Variants in ANKS1B observed in about 807,000 individuals in gnomAD.
ANKS1B encodes the protein ankyrin repeat and sterile alpha motif domain containing 1B, also known as ankyrin repeat and sterile alpha motif domain-containing protein 1B.
ANKS1B carries 36 observed loss-of-function variants against 148.3 expected under a neutral mutation model. The ratio of observed to expected loss-of-function variants is 0.24; its 90% CI spans 0.19 to 0.32. ANKS1B has a LOEUF of 0.32. Among genes scored for constraint, ANKS1B ranks in the 10% least tolerant of loss-of-function variants. The pLI is 1.00. For synonymous variants in ANKS1B, 542 were observed against 560.8 expected (o/e 0.97, Z 0.47); for missense variants, 1,157 against 1,542.6 (o/e 0.75, Z 4.19).
intron 10 of ANKS1B, among the ~76,000 whole-genome samples, chr12:99,460,637 T>A (rs544570833): frequency 1.3e-5 from 2 of 151,024 alleles, no homozygotes; most frequent in South Asian, 4.2e-4. Flanking sequence ...CCAACAAACA[T>A]ATAAAAAAAT....
intron 17 of ANKS1B, chr12:98,954,505 GT>G: frequency 1.3e-5 from 2 of 152,228 alleles, no homozygotes; most frequent in African/African-American, 4.8e-5. Context: ...ATGGAACAAG[GT>G]CAGCAAACCA....
At chr12:99,811,001 T>C (rs940827339) in intron 3 of ANKS1B, among the ~76,000 whole-genome samples, 2 of 151,944 alleles carry the variant, frequency 1.3e-5, no homozygotes, top group African/African-American at 4.8e-5. Context: ...ATATCTGTCA[T>C]GTTTTAAAGA....
intron 16 of ANKS1B, among the ~76,000 whole-genome samples, chr12:99,065,590 T>TCCATCCATC (rs1565854148): frequency 3.0e-5 from 2 of 67,374 alleles, no homozygotes; most frequent in African/African-American, 7.1e-5. Flanking sequence ...TCCATTCCAT[T>TCCATCCATC]CATCCATCCA....
At chr12:98,972,415 A>G (rs1248373754) in intron 17 of ANKS1B, among the ~76,000 whole-genome samples, 1 of 152,176 alleles carries the variant, frequency 6.6e-6, no homozygotes, top group Non-Finnish European at 1.5e-5. Flanking sequence ...ACTCAGTGTC[A>G]GGCCTATACA....
chr12:99,173,882 A>T (rs1041404533), intron 14 of ANKS1B, among the ~76,000 whole-genome samples: 1 of 152,110 alleles, frequency 6.6e-6, no homozygotes, highest in African/African-American at 2.4e-5. Context: ...GGATAGGTAT[A>T]TGACCAAAAT....
chr12:99,385,083 T>C (rs1242580506), intron 12 of ANKS1B, among the ~76,000 whole-genome samples: 1 of 144,122 alleles, frequency 6.9e-6, no homozygotes. Flanking sequence ...ATGCTTAAAG[T>C]TGTTAAGATA....
chr12:98,785,969 T>G lies in ANKS1B; in HGVS notation c.3343-3832A>C, dbSNP rs371895401. 1.5e-4 allele frequency among the ~76,000 whole-genome samples: 23 copies of G among 152,328 alleles called. No individual in the cohort carries two copies. The East Asian group carries it at 2.9e-3, about 19-fold the overall frequency. The stretch of plus-strand genomic sequence containing the variant: ...GCTTTTCCCTATGCCATGCTCTTTG[T>G]GGCATTTTTCAGGTTTCCCAATGTT... On this transcript the variant is annotated intron_variant, in intron 22 of 26. Transcript: ENST00000683438.
At chr12:99,132,962 T>G (rs1388334633) in intron 15 of ANKS1B, among the ~76,000 whole-genome samples, 1 of 152,054 alleles carries the variant, frequency 6.6e-6, no homozygotes, top group African/African-American at 2.4e-5. Context: ...TGCCTTGTCA[T>G]ATATTTGATT....
chr12:98,872,671 A>C (rs2152405694), intron 17 of ANKS1B, among the ~76,000 whole-genome samples: 1 of 152,334 alleles, frequency 6.6e-6, no homozygotes, highest in East Asian at 1.9e-4. Context: ...GGTAAAGTGA[A>C]AAGGGGGCCA....
intron 19 of ANKS1B, among the ~76,000 whole-genome samples, chr12:98,819,428 G>T (rs2099166842): frequency 2.6e-5 from 4 of 152,090 alleles, no homozygotes; most frequent in Admixed American, 2.0e-4. Context: ...ATATCAAATT[G>T]TCTTCAGTCT....
chr12:99,958,591 G>T (rs2095358828), intron 1 of ANKS1B, among the ~76,000 whole-genome samples: 1 of 152,080 alleles, frequency 6.6e-6, no homozygotes. Context: ...CGCCATGTTG[G>T]CCAGGCTGGT....
chr12:99,332,268 G>A (rs912458995), intron 12 of ANKS1B, among the ~76,000 whole-genome samples: 23 of 152,016 alleles, frequency 1.5e-4, no homozygotes, highest in Non-Finnish European at 3.4e-4. Flanking sequence ...ATTAAAGTTT[G>A]AGAAGCACTG....
chr12:99,972,810 A>G (rs1310485435), intron 1 of ANKS1B, among the ~76,000 whole-genome samples: 1 of 152,222 alleles, frequency 6.6e-6, no homozygotes, highest in African/African-American at 2.4e-5. Flanking sequence ...GCTAAAGAGA[A>G]GTCACTGCCT....
At chr12:99,688,647 G>A (rs1055193741) in intron 8 of ANKS1B, among the ~76,000 whole-genome samples, 8 of 151,992 alleles carry the variant, frequency 5.3e-5, no homozygotes, top group African/African-American at 1.7e-4. Flanking sequence ...GACCAGCCTG[G>A]GCAACATAAC....
At chr12:99,486,455 CTTATTTAT>C (rs145790526) in intron 10 of ANKS1B, among the ~76,000 whole-genome samples, 2,636 of 146,886 alleles carry the variant, frequency 0.018, 51 homozygotes, top group African/African-American at 0.039. Context: ...ATGGCATGTG[CTTATTTAT>C]TTATTTATTT....
At chr12:99,635,536 G>A (rs1322851454) in intron 9 of ANKS1B, among the ~76,000 whole-genome samples, 1 of 152,072 alleles carries the variant, frequency 6.6e-6, no homozygotes, top group African/African-American at 2.4e-5. Context: ...ACTTAGTTGA[G>A]GTATCTAGAG....
chr12:99,517,644 G>A (rs11503425), intron 9 of ANKS1B, among the ~76,000 whole-genome samples: 2,336 of 151,662 alleles, frequency 0.015, 71 homozygotes, highest in African/African-American at 0.054. Flanking sequence ...CAGGAGAATC[G>A]CTTGAATATA....
At chr12:99,330,163 T>C (rs990720535) in intron 12 of ANKS1B, among the ~76,000 whole-genome samples, 1 of 151,986 alleles carries the variant, frequency 6.6e-6, no homozygotes, top group Admixed American at 6.6e-5. Flanking sequence ...ATCCAAGGGC[T>C]ATGGACTAGG....
chr12:99,054,673 GA>G (rs1229157168), intron 16 of ANKS1B, among the ~76,000 whole-genome samples: 1 of 152,056 alleles, frequency 6.6e-6, no homozygotes, highest in African/African-American at 2.4e-5. Flanking sequence ...CGAGTAGCTG[GA>G]ACTACAGGTG....
Sources: allele counts gnomAD v4.1 joint callset (sites outside exome capture counted in the v4.1 genomes callset), GRCh38; gene constraint gnomAD v4.1.1; transcripts MANE v1.5; gene names NCBI Gene and HGNC (gene_info 2026-07-23, HGNC 2026-07-21).